EML1: variants seen among roughly 807,000 people sequenced by gnomAD.
EML1 encodes EMAP like 1.
Under a neutral mutation model 110.4 loss-of-function variants are expected in EML1, and 27 were observed. That is an observed-to-expected ratio of 0.24 (90% CI 0.18 to 0.34). EML1 has a LOEUF of 0.34. Among genes scored for constraint, EML1 ranks in the 10% least tolerant of loss-of-function variants. EML1 has a pLI of 1.00. For missense variants in EML1, 741 were observed against 1,030.9 expected, an observed-to-expected ratio of 0.72 and a Z score of 3.85; for synonymous variants, 344 against 385.8, an observed-to-expected ratio of 0.89 and a Z score of 1.27.
At chr14:99,742,463 G>A (rs979688621) in intron 1 of EML1, among the ~76,000 whole-genome samples, 1 of 152,152 alleles carries the variant, frequency 6.6e-6, no homozygotes. Context: ...AGGCCAAGGA[G>A]GAGGCTGGTG....
rs2059639562 is a variant in EML1, at chr14:99,894,471, GTTTATT to G, written c.548-152_548-147del. ...AAGATGCAAACTTTTGTTTCAAACT[GTTTATT>G]TTTATGTTACTTTTTTCCCTAGGAT... On this transcript the variant is annotated intron_variant, in intron 5 of 21. Coordinates refer to ENST00000262233, the MANE Select transcript of EML1 (RefSeq NM_004434.3). 4 of 959,272 alleles carry G rather than the reference GTTTATT, an allele frequency of 4.2e-6. No individual in the cohort carries two copies. In the East Asian group the frequency reaches 9.5e-5, roughly 23 times the overall value. The allele number at this position is 959,272 out of a possible 1,614,324, so 59.4% of individuals were successfully genotyped here.
chr14:99,767,809 C>A (rs1250404849), intron 1 of EML1, among the ~76,000 whole-genome samples: 1 of 152,132 alleles, frequency 6.6e-6, no homozygotes, highest in African/African-American at 2.4e-5. Flanking sequence ...CAAGGCCTCC[C>A]CCAAGTCCCC....
chr14:99,815,393 G>A (rs747211050), intron 1 of EML1, among the ~76,000 whole-genome samples: 10 of 151,978 alleles, frequency 6.6e-5, no homozygotes, highest in East Asian at 1.9e-4. Flanking sequence ...TGCTCGCCTC[G>A]GCTTCCCAAA....
At chr14:99,904,375 C>CA (rs143780001) in intron 9 of EML1, among the ~76,000 whole-genome samples, 3,841 of 150,240 alleles carry the variant, frequency 0.026, 104 homozygotes, top group African/African-American at 0.073. Context: ...TTAATCTAGG[C>CA]AAAAAAAAAT....
upstream of EML1, among the ~76,000 whole-genome samples, chr14:99,788,890 C>T (rs2140225176): frequency 6.6e-6 from 1 of 152,340 alleles, no homozygotes. Flanking sequence ...ACCCTAGGCA[C>T]TTCGTGTAAG....
At chr14:99,748,289 C>T (rs2140169243) in intron 1 of EML1, among the ~76,000 whole-genome samples, 1 of 152,280 alleles carries the variant, frequency 6.6e-6, no homozygotes, top group East Asian at 1.9e-4. Context: ...CGGAGCTTGC[C>T]CCGAGGCTGC....
At chr14:99,794,236 A>G (rs2057727227) in intron 1 of EML1, among the ~76,000 whole-genome samples, 1 of 152,214 alleles carries the variant, frequency 6.6e-6, no homozygotes, top group Non-Finnish European at 1.5e-5. Flanking sequence ...ACATGCTTGA[A>G]AGATTTCAGT....
rs1356282220 is a variant in EML1, at chr14:99,941,500, CA to C, written c.*1391del. 2.6e-5 allele frequency: 4 copies of C among 152,170 alleles called. No homozygotes were observed. The highest frequency in any genetic ancestry group is 5.9e-5 in the Non-Finnish European group (4 of 68,024). 9.4% of individuals were successfully genotyped at this position (152,170 alleles called of 1,614,324 possible). A position where few individuals can be genotyped will look rare whatever the true frequency, so the allele number is the denominator to read the frequency against. On this transcript the variant is annotated 3_prime_UTR_variant, in exon 22 of 22. Transcript: ENST00000262233. Reference sequence around the variant, plus strand: ...TGAATCTGTTTGTATGTATCCTTGTCAAATATATTCTATAATGAAATAAAAT... The same window carrying C: ...TGAATCTGTTTGTATGTATCCTTGTCAATATATTCTATAATGAAATAAAAT...
chr14:99,850,345 GATTACCATA>G (rs1428257250), intron 1 of EML1: 1 of 1,289,022 alleles, frequency 7.8e-7, no homozygotes. Context: ...AAGAAAATAT[GATTACCATA>G]ATTGTAAGGG....
At chr14:99,767,063 G>A (rs1193462754) in intron 1 of EML1, among the ~76,000 whole-genome samples, 1 of 152,204 alleles carries the variant, frequency 6.6e-6, no homozygotes, top group Non-Finnish European at 1.5e-5. Flanking sequence ...TCGCCATGGT[G>A]ACTGTGTGAG....
chr14:99,798,034 C>G (rs574052271), intron 1 of EML1, among the ~76,000 whole-genome samples: 1 of 152,322 alleles, frequency 6.6e-6, no homozygotes, highest in South Asian at 2.1e-4. Flanking sequence ...TGGAAAGTAA[C>G]TACCTCTCCA....
chr14:99,914,939 T>C (rs2060008388), intron 15 of EML1: 2 of 521,088 alleles, frequency 3.8e-6, no homozygotes. Flanking sequence ...AGTTGTTCTT[T>C]CTGAGTTCAT....
Position 99,784,915 on chromosome 14 carries a change from T to C in EML1, c.-27+10902T>C, listed in dbSNP as rs1566863015. Among the ~76,000 whole-genome samples the C allele has an allele frequency of 1.3e-5, 2 of 152,130 alleles. No individual in the cohort carries two copies. Among genetic ancestry groups the C allele is most frequent in the Non-Finnish European group, 2.9e-5 (2 of 68,024 alleles). Reference sequence around the variant, plus strand: ...CAACCAAAGCCCCAGGGGCAGACTATTGTGGGGTGTTTGGGAAATGGAAAA... The same window carrying C: ...CAACCAAAGCCCCAGGGGCAGACTACTGTGGGGTGTTTGGGAAATGGAAAA... On this transcript the variant is annotated intron_variant, in intron 1 of 22. Transcript: ENST00000327921. This position sits in a 1 kb window ranked among gnomAD's most constrained non-coding sequence, Gnocchi z 4.5.
intron 17 of EML1, among the ~76,000 whole-genome samples, chr14:99,934,176 C>T (rs8020741): frequency 0.34 from 51,965 of 152,112 alleles, 11,042 homozygotes; most frequent in Non-Finnish European, 0.47. Flanking sequence ...GTGTTTATTG[C>T]GGTCATCGTC....
At position 99,866,146 on chromosome 14, in the gene EML1, A is replaced by G. The variant is rs1051824825; in HGVS notation, c.383+500A>G. ...ATTATTTTGTAATTATCATTTAAAG[A>G]TTTTTATATTTTAGGGCCAGGTGCA... On this transcript the variant is annotated intron_variant, in intron 3 of 21. Coordinates refer to ENST00000262233, the MANE Select transcript of EML1 (RefSeq NM_004434.3). Among the ~76,000 whole-genome samples, 4 of 152,312 alleles carry G rather than the reference A, an allele frequency of 2.6e-5. No individual in the cohort carries two copies. The East Asian group carries it at 7.7e-4, about 29-fold the overall frequency.
intron 3 of EML1, among the ~76,000 whole-genome samples, chr14:99,872,261 G>A (rs2139910392): frequency 6.6e-6 from 1 of 152,292 alleles, no homozygotes; most frequent in Non-Finnish European, 1.5e-5. Context: ...GGGCTCCTAG[G>A]TGGCAATTAC....
In EML1 at chr14:99,912,763, C is replaced by T. The variant is rs539998725; in HGVS notation, c.1494+1187C>T. ...TGAATTGCTAGAGTCATAGACATGC[C>T]CAAGTCATATTATAACTGTAAAGAA... On this transcript the variant is annotated intron_variant, in intron 13 of 21. Transcript: ENST00000262233. 4.0e-4 allele frequency among the ~76,000 whole-genome samples: 61 copies of T among 152,282 alleles called. 3 individuals carry two copies. In the South Asian group the frequency reaches 0.012, roughly 31 times the overall value.
At chr14:99,773,396 G>C (rs973535478) in exon 1 of EML1, 1 of 152,250 alleles carries the variant, frequency 6.6e-6, no homozygotes, top group Non-Finnish European at 1.5e-5. Context: ...CACACAGCTA[G>C]GGCCCCTGGA....
rs762140363 is a variant in EML1, at chr14:99,865,660, A to G, written c.383+14A>G. 1 of 1,613,270 alleles carries G rather than the reference A, an allele frequency of 6.2e-7. No homozygotes were observed. Among genetic ancestry groups the G allele is most frequent in the South Asian group, 1.1e-5 (1 of 90,978 alleles). On this transcript the variant is annotated intron_variant, in intron 3 of 21. Transcript: ENST00000262233. ...AGCAACCAAAAGGTGAGCCAGAAGC[A>G]GGGCCTTAAATGAACTCTCAAAGCA...
Sources: gnomAD v4.1 joint callset for allele counts (sites outside exome capture counted in the v4.1 genomes callset) on GRCh38, gnomAD v4.1.1 for gene constraint, Gnocchi (gnomAD v3.1) non-coding constraint, MANE v1.5 for transcripts, NCBI Gene and HGNC (gene_info 2026-07-23, HGNC 2026-07-21) for gene names.